Variants in PCDHGB4 observed in about 807,000 individuals in gnomAD.
The protein encoded by PCDHGB4 is protocadherin gamma-B4.
In PCDHGB4, 38 loss-of-function variants were observed where a neutral mutation model predicts 60.5. The observed-to-expected ratio is 0.63, with a 90% CI of 0.48 to 0.82. PCDHGB4 has a LOEUF of 0.82. PCDHGB4 is among the 40% of genes least tolerant of loss of function. The probability of loss-of-function intolerance (pLI) is 0.00; values close to 1 mark genes in which losing one functional copy is unlikely to be tolerated. For missense variants in PCDHGB4, 1,109 were observed against 1,209.6 expected (o/e 0.92, Z 1.23); for synonymous variants, 456 against 509.7 (o/e 0.89, Z 1.42).
At chr5:141,418,692 C>T in intron 1 of PCDHGB4, 5 of 1,614,032 alleles carry the variant, frequency 3.1e-6, no homozygotes, top group Non-Finnish European at 4.2e-6. Flanking sequence ...TCAGAGATCA[C>T]TTATTCCTTC....
intron 1 of PCDHGB4, chr5:141,410,815 T>C: frequency 1.8e-6 from 1 of 553,722 alleles, no homozygotes; most frequent in Non-Finnish European, 2.9e-6. Context: ...TTTTGTAAAA[T>C]AATGTCACCA....
intron 1 of PCDHGB4, chr5:141,405,074 G>T (rs536930748): frequency 2.5e-6 from 4 of 1,613,794 alleles, no homozygotes; most frequent in Non-Finnish European, 3.4e-6. Context: ...CCTCACCTTC[G>T]TTATCACGCT....
rs766182165 is a variant in PCDHGB4 at position 141,478,048 on chromosome 5, C to T, written c.2398-16759C>T. ...ACACAGATTCACCCAGGCAGACTCT[C>T]ACGGTCTTGATCAAAGACAATGGGG... On this transcript the variant is annotated intron_variant, in intron 1 of 3. Transcript: ENST00000519479. 5.6e-6 allele frequency: 9 copies of T among 1,614,040 alleles called. No homozygotes were observed. In the Admixed American group the frequency reaches 1.0e-4, roughly 18 times the overall value.
chr5:141,441,362 G>A (rs1489202253), intron 1 of PCDHGB4: 1 of 152,484 alleles, frequency 6.6e-6, no homozygotes, highest in Non-Finnish European at 1.5e-5. Context: ...AACAAATGGG[G>A]CCGTGGACCA....
intron 1 of PCDHGB4, chr5:141,428,180 C>G (rs780780274): frequency 1.3e-6 from 2 of 1,486,274 alleles, no homozygotes; most frequent in East Asian, 2.3e-5. Flanking sequence ...TGACGGAGGA[C>G]AGCCGCCGCT....
chr5:141,393,776 C>G, intron 1 of PCDHGB4: 1 of 1,613,714 alleles, frequency 6.2e-7, no homozygotes, highest in Admixed American at 1.7e-5. Flanking sequence ...AAATACAAGC[C>G]GAAGATGTGG....
chr5:141,421,424 G>T lies in PCDHGB4; in HGVS notation c.2397+31143G>T, dbSNP rs369037131. 2.2e-5 allele frequency: 35 copies of T among 1,613,974 alleles called. No individual in the cohort carries two copies. The African/African-American group carries it at 3.9e-4, about 18-fold the overall frequency. ...CGGGAGCTGGCGAAGCGCGGAGTCC[G>T]CATCGTCTCCAGAGGGAAGACACAG... is the stretch of plus-strand genomic sequence containing the variant. On this transcript the variant is annotated intron_variant, in intron 1 of 3. Transcript: ENST00000519479.
chr5:141,418,246 C>T lies in PCDHGB4; in HGVS notation c.2397+27965C>T, dbSNP rs200526306. 4.5e-5 allele frequency: 72 copies of T among 1,614,020 alleles called. No individual in the cohort carries two copies. The African/African-American group carries it at 8.9e-4, about 20-fold the overall frequency. On this transcript the variant is annotated intron_variant, in intron 1 of 3. Coordinates refer to ENST00000519479, the MANE Select transcript of PCDHGB4 (RefSeq NM_003736.4). The stretch of plus-strand genomic sequence containing the variant: ...TGGTGATTGAGGATGTTAATGACCA[C>T]GCCCCTCAATTCCGGAAAGATGAAA...
chr5:141,422,140 C>A, intron 1 of PCDHGB4: 1 of 1,586,776 alleles, frequency 6.3e-7, no homozygotes, highest in Non-Finnish European at 8.5e-7. Flanking sequence ...AGTTCAAGTA[C>A]GGGGGTCTCT....
intron 1 of PCDHGB4, chr5:141,409,794 C>T (rs1345529657): frequency 1.9e-6 from 3 of 1,611,732 alleles, no homozygotes; most frequent in South Asian, 1.1e-5. Flanking sequence ...TTCGCGCTCA[C>T]GCTGCAGGCC....
intron 1 of PCDHGB4, among the ~76,000 whole-genome samples, chr5:141,464,022 TG>T (rs948245337): frequency 1.3e-5 from 2 of 151,716 alleles, no homozygotes; most frequent in African/African-American, 4.8e-5. Context: ...TCCCACACTT[TG>T]GGAGGCCAAG....
Position 141,424,835 on chromosome 5 carries a change from T to C in PCDHGB4, c.2397+34554T>C, listed in dbSNP as rs999861185. Among the ~76,000 whole-genome samples, 20 of 152,310 alleles carry C rather than the reference T, an allele frequency of 1.3e-4. No individual in the cohort carries two copies. The South Asian group carries it at 3.5e-3, about 27-fold the overall frequency. On this transcript the variant is annotated intron_variant, in intron 1 of 3. Coordinates refer to ENST00000519479, the MANE Select transcript of PCDHGB4 (RefSeq NM_003736.4). ...AAGCTTGATAGTTGCCTGACATACA[T>C]GTTATCTGAAGCAATGTCTAGGAAA... is the stretch of plus-strand genomic sequence containing the variant.
At chr5:141,408,019 A>G (rs1589652051) in intron 1 of PCDHGB4, 1 of 1,031,592 alleles carries the variant, frequency 9.7e-7, no homozygotes, top group Admixed American at 3.2e-5. Context: ...GCAGCCAACA[A>G]CAGAAAGAAG....
rs369406530 is a variant in PCDHGB4, at chr5:141,393,504, A to C, written c.2397+3223A>C. On this transcript the variant is annotated intron_variant, in intron 1 of 3. Transcript: ENST00000519479. ...CTCTAGCACAGTGCGCATCCACGTG[A>C]CAGTGTTGGATACAAATGACAATGC... 16 of 1,613,918 alleles carry C rather than the reference A, an allele frequency of 9.9e-6. No individual in the cohort carries two copies. In the African/African-American group the frequency reaches 2.0e-4, roughly 20 times the overall value.
At chr5:141,415,804 A>C in intron 1 of PCDHGB4, 1 of 1,366,960 alleles carries the variant, frequency 7.3e-7, no homozygotes, top group Non-Finnish European at 9.4e-7. Flanking sequence ...AGTCTCAATC[A>C]AGGCCTATAT....
chr5:141,463,438 C>CTTTTTTTT (rs71576115), intron 1 of PCDHGB4, among the ~76,000 whole-genome samples: 3 of 103,252 alleles, frequency 2.9e-5, no homozygotes, highest in African/African-American at 8.9e-5. Context: ...TTTCCTTCTC[C>CTTTTTTTT]TTTTTTTTTT....
At chr5:141,404,602 G>C (rs749746083) in intron 1 of PCDHGB4, 2 of 1,614,076 alleles carry the variant, frequency 1.2e-6, no homozygotes, top group Admixed American at 1.7e-5. Flanking sequence ...CATTGAGACT[G>C]TTTGTTTTGG....
rs1305419943 is a variant in PCDHGB4, at chr5:141,438,625, T to C, written c.2397+48344T>C. Among the ~76,000 whole-genome samples the C allele has an allele frequency of 9.7e-4, 45 of 46,410 alleles. 2 individuals are homozygous for C. Among genetic ancestry groups the C allele is most frequent in the Admixed American group, 2.2e-3 (7 of 3,192 alleles). The allele number at this position is 46,410 out of a possible 152,430, so 30.4% of individuals were successfully genotyped here. On this transcript the variant is annotated intron_variant, in intron 1 of 3. Coordinates refer to ENST00000519479, the MANE Select transcript of PCDHGB4 (RefSeq NM_003736.4). The stretch of plus-strand genomic sequence containing the variant: ...ATATATATATATATATATATATATA[T>C]ATATATATATACACACACACACACA...
chr5:141,497,885 A>T (rs1469477968), intron 2 of PCDHGB4, among the ~76,000 whole-genome samples: 1 of 152,166 alleles, frequency 6.6e-6, no homozygotes, highest in Non-Finnish European at 1.5e-5. Flanking sequence ...AAGCGTTAGG[A>T]TCTAGTCCAG....
Sources: gnomAD v4.1 joint callset for allele counts (sites outside exome capture counted in the v4.1 genomes callset) on GRCh38, gnomAD v4.1.1 for gene constraint, MANE v1.5 for transcripts, NCBI Gene and HGNC (gene_info 2026-07-23, HGNC 2026-07-21) for gene names.